DMD: variants seen among roughly 807,000 people sequenced by gnomAD.
The protein encoded by DMD is mutant dystrophin.
DMD carries 63 observed loss-of-function variants against 330.1 expected under a neutral mutation model. That is an observed-to-expected ratio of 0.19 (90% confidence interval 0.16 to 0.24). The LOEUF (loss-of-function observed/expected upper bound fraction) is 0.24, where lower values mean the gene tolerates loss of function less well. Ranked by LOEUF, DMD falls within the 10% of genes least tolerant of loss-of-function variation. The pLI is 1.00. For missense variants in DMD, 3,344 were observed against 2,684.1 expected, an observed-to-expected ratio of 1.25 and a Z score of -5.43; for synonymous variants, 1,223 against 959.8, an observed-to-expected ratio of 1.27 and a Z score of -5.07.
In DMD at chrX:31,126,803, GA is replaced by G. The variant is rs58738809; in HGVS notation, c.11015-131del. ...TGAGATGACCATTTATTCTCTGCTG[GA>G]AAAAAAAAAAAAAAAAAAAACAGAA... is the stretch of plus-strand genomic sequence containing the variant. On this transcript the variant is annotated intron_variant, in intron 77 of 78. Transcript: ENST00000357033. 0.13 allele frequency: 31,225 copies of G among 232,161 alleles called. 1,029 individuals are homozygous for G. The highest frequency in any genetic ancestry group is 0.27 in the African/African-American group (6,009 of 22,249). The allele number at this position is 232,161 out of a possible 1,213,427, so 19.1% of individuals were successfully genotyped here.
chrX:31,906,813 T>A (rs1216141828), intron 47 of DMD, among the ~76,000 whole-genome samples: 1 of 111,751 alleles, frequency 8.9e-6, no homozygotes, highest in Non-Finnish European at 1.9e-5. Flanking sequence ...CCCTCCAACC[T>A]CACCTTCTAC....
rs905406605 is a variant in DMD at position 32,767,829 on chromosome X, T to C, written c.649+41664A>G. ...CACCAATTAGATATATAAGCATTTA[T>C]GTGTTATACCTGATGCTCATCTATA... On this transcript the variant is annotated intron_variant, in intron 7 of 78. Transcript: ENST00000357033. 8.0e-5 allele frequency among the ~76,000 whole-genome samples: 9 copies of C among 112,133 alleles called. No homozygotes were observed. The East Asian group carries it at 8.4e-4, about 10-fold the overall frequency.
intron 2 of DMD, among the ~76,000 whole-genome samples, chrX:32,868,906 G>C (rs982628924): frequency 8.9e-6 from 1 of 112,128 alleles, no homozygotes; most frequent in African/African-American, 3.2e-5. Flanking sequence ...CAGCCAGAGT[G>C]CTTCCTTAAG....
intron 44 of DMD, among the ~76,000 whole-genome samples, chrX:32,185,738 A>T (rs73458026): frequency 0.03 from 3,278 of 111,112 alleles, 116 homozygotes; most frequent in African/African-American, 0.1. Context: ...ACTTTTATTT[A>T]AAAAAACTGA....
intron 51 of DMD, among the ~76,000 whole-genome samples, chrX:31,757,145 T>C (rs890974848): frequency 9.0e-6 from 1 of 111,631 alleles, no homozygotes; most frequent in African/African-American, 3.2e-5. Flanking sequence ...TTTCTAAAAG[T>C]AATATATGTG....
At chrX:32,740,433 C>G (rs10522012) in intron 7 of DMD, among the ~76,000 whole-genome samples, 18,826 of 109,522 alleles carry the variant, frequency 0.17, 2,011 homozygotes, top group African/African-American at 0.39. Context: ...ATGGGAATCA[C>G]TATTAAACCT....
At chrX:33,073,357 CTGTACAAT>C (rs1787613101) in intron 1 of DMD, among the ~76,000 whole-genome samples, 2 of 111,854 alleles carry the variant, frequency 1.8e-5, no homozygotes, top group Non-Finnish European at 3.8e-5. Flanking sequence ...TTTCTCTGTC[CTGTACAAT>C]TCTATTTAAA....
chrX:32,241,430 G>A (rs331360), intron 43 of DMD, among the ~76,000 whole-genome samples: 22,156 of 112,037 alleles, frequency 0.2, 1,684 homozygotes, highest in Non-Finnish European at 0.24. Flanking sequence ...AAGCCATAGC[G>A]TCAGGCTACA....
At chrX:32,897,313 G>C (rs778298165) in intron 2 of DMD, among the ~76,000 whole-genome samples, 1 of 111,305 alleles carries the variant, frequency 9.0e-6, no homozygotes, top group East Asian at 2.8e-4. Flanking sequence ...AAAGAGTAAA[G>C]GAAGGAGAAG....
chrX:32,607,085 C>T (rs143362909), intron 12 of DMD, among the ~76,000 whole-genome samples: 140 of 109,714 alleles, frequency 1.3e-3, no homozygotes, highest in African/African-American at 4.3e-3. Context: ...CAGACTCCAC[C>T]ACTACACGAT....
intron 44 of DMD, among the ~76,000 whole-genome samples, chrX:32,013,376 T>C (rs1043045457): frequency 9.9e-5 from 11 of 111,371 alleles, no homozygotes; most frequent in South Asian, 7.5e-4. Flanking sequence ...TGAGCCACCG[T>C]GCCCAGCCAA....
At position 31,249,250 on chromosome X, in the gene DMD, G is replaced by A. The variant is rs777390744; in HGVS notation, c.9286+11705C>T. Among the ~76,000 whole-genome samples the A allele has an allele frequency of 1.5e-3, 169 of 111,070 alleles. 1 individual carries two copies. Among genetic ancestry groups the A allele is most frequent in the Admixed American group, 0.013 (133 of 10,483 alleles). ...CCACCATCATTTATTAGATATTTAT[G>A]CTCTTTTTTGAGACAGAGTCTCACT... On this transcript the variant is annotated intron_variant, in intron 63 of 78. Transcript: ENST00000357033.
At chrX:32,856,271 A>C (rs2081548267) in intron 2 of DMD, among the ~76,000 whole-genome samples, 1 of 111,799 alleles carries the variant, frequency 8.9e-6, no homozygotes, top group Non-Finnish European at 1.9e-5. Flanking sequence ...AAAACTGAAA[A>C]CAGAACTACC....
chrX:31,328,470 C>G (rs1435288950), intron 61 of DMD, among the ~76,000 whole-genome samples: 1 of 110,878 alleles, frequency 9.0e-6, no homozygotes, highest in Non-Finnish European at 1.9e-5. Flanking sequence ...TCCTCTTCCC[C>G]TGATAGACTG....
At position 31,344,041 on chromosome X, in the gene DMD, G is replaced by GT. The variant is rs1556531427; in HGVS notation, c.9163+4514_9163+4515insA. 2.9e-5 allele frequency among the ~76,000 whole-genome samples: 3 copies of GT among 101,992 alleles called. No individual in the cohort carries two copies. The Admixed American group carries it at 3.2e-4, about 11-fold the overall frequency. 88.6% of individuals were successfully genotyped at this position (101,992 alleles called of 115,157 possible). ...TCTGTCACACAGATTGGAGTGCGGG[G>GT]GGGGGTGGATTATGGATCACTGCAG... On this transcript the variant is annotated intron_variant, in intron 61 of 78. Coordinates refer to ENST00000357033, the MANE Select transcript of DMD (RefSeq NM_004006.3).
chrX:33,021,622 T>C (rs7882287), intron 1 of DMD, among the ~76,000 whole-genome samples: 7,393 of 111,503 alleles, frequency 0.066, 601 homozygotes, highest in African/African-American at 0.22. Flanking sequence ...AAATATCTGT[T>C]TATCTTTAAA....
At chrX:32,462,608 T>G (rs186724993) in intron 25 of DMD, among the ~76,000 whole-genome samples, 40 of 93,928 alleles carry the variant, frequency 4.3e-4, no homozygotes, top group Admixed American at 3.2e-3. Context: ...TTGTGTGTGT[T>G]TTTTTTTGAA....
chrX:32,558,945 T>TTTTTTTTTTTC (rs1569199612), intron 16 of DMD, among the ~76,000 whole-genome samples: 21 of 40,147 alleles, frequency 5.2e-4, no homozygotes, highest in African/African-American at 1.6e-3. Flanking sequence ...TTTCTTTTTT[T>TTTTTTTTTTTC]TTTTTTTTTT....
In DMD at chrX:31,825,975, G is replaced by C. The variant is rs190384043; in HGVS notation, c.7201-5892C>G. ...AACTACAAAGCACTATAAATTTGTTGGTTAGATATTATGCGCTGCTCAATG... is the reference window on the plus strand; with the variant it reads ...AACTACAAAGCACTATAAATTTGTTCGTTAGATATTATGCGCTGCTCAATG... On this transcript the variant is annotated intron_variant, in intron 49 of 78. Coordinates refer to ENST00000357033, the MANE Select transcript of DMD (RefSeq NM_004006.3). 3.6e-5 allele frequency among the ~76,000 whole-genome samples: 4 copies of C among 111,492 alleles called. No individual in the cohort carries two copies. The East Asian group carries it at 1.1e-3, about 31-fold the overall frequency.
Sources: gnomAD v4.1 joint callset for allele counts (sites outside exome capture counted in the v4.1 genomes callset) on GRCh38, gnomAD v4.1.1 for gene constraint, MANE v1.5 for transcripts, NCBI Gene and HGNC (gene_info 2026-07-23, HGNC 2026-07-21) for gene names.